The following GRID2 variants were observed in gnomAD, a reference collection of about 807,000 sequenced individuals.
GRID2 encodes the protein glutamate ionotropic receptor delta type subunit 2, also known as glutamate receptor ionotropic, delta-2.
A neutral mutation model predicts 114.8 loss-of-function variants in GRID2; 33 were observed. The observed-to-expected ratio is 0.29, with a 90% CI of 0.22 to 0.38. GRID2 has a LOEUF of 0.38. Among genes scored for constraint, GRID2 ranks in the 10% least tolerant of loss-of-function variants. The pLI, the probability that GRID2 is intolerant of heterozygous loss-of-function variation, is 1.00. For missense variants in GRID2, 1,184 were observed against 1,257.7 expected, an observed-to-expected ratio of 0.94 and a Z score of 0.89; for synonymous variants, 505 against 449.9, an observed-to-expected ratio of 1.12 and a Z score of -1.55.
intron 14 of GRID2, among the ~76,000 whole-genome samples, chr4:93,672,405 A>G (rs1302356434): frequency 6.6e-6 from 1 of 152,258 alleles, no homozygotes; most frequent in Non-Finnish European, 1.5e-5. Context: ...CCCCATGGGC[A>G]GAAAAGAGCT....
chr4:93,564,584 G>A (rs1375224156), intron 13 of GRID2, among the ~76,000 whole-genome samples: 1 of 151,934 alleles, frequency 6.6e-6, no homozygotes, highest in African/African-American at 2.4e-5. Flanking sequence ...ATAAGTGGAT[G>A]GTACCCCTAG....
intron 2 of GRID2, among the ~76,000 whole-genome samples, chr4:92,852,924 T>G (rs535756779): frequency 3.4e-4 from 51 of 152,146 alleles, no homozygotes; most frequent in African/African-American, 1.2e-3. Flanking sequence ...CTTCCTACCA[T>G]GAACCCAGGA....
At chr4:93,290,658 G>A (rs112363739) in intron 8 of GRID2, among the ~76,000 whole-genome samples, 5 of 151,884 alleles carry the variant, frequency 3.3e-5, no homozygotes, top group African/African-American at 1.2e-4. Flanking sequence ...TTTTTATCTG[G>A]TAGTATTTGT....
intron 2 of GRID2, among the ~76,000 whole-genome samples, chr4:92,657,561 T>G (rs916803660): frequency 6.6e-6 from 1 of 151,732 alleles, no homozygotes; most frequent in African/African-American, 2.4e-5. Context: ...ATTTTTATTT[T>G]TAAAAGTAAA....
intron 11 of GRID2, among the ~76,000 whole-genome samples, chr4:93,472,735 C>T (rs573118352): frequency 6.6e-6 from 1 of 152,158 alleles, no homozygotes; most frequent in East Asian, 1.9e-4. Flanking sequence ...CTTTATGTTA[C>T]AGAAGATAGA....
rs771209667 is a variant in GRID2 at position 92,769,088 on chromosome 4, C to T, written c.244+178802C>T. On this transcript the variant is annotated intron_variant, in intron 2 of 15. Transcript: ENST00000282020. ...GCCTATGAGCCTGTGAAATTCAAAG[C>T]AAGTTAGTTACTTTCTAGATACAAT... Among the ~76,000 whole-genome samples the T allele has an allele frequency of 3.3e-5, 5 of 152,258 alleles. No individual in the cohort carries two copies. In the South Asian group the frequency reaches 8.3e-4, roughly 25 times the overall value.
chr4:92,358,705 T>C (rs901883044), intron 1 of GRID2, among the ~76,000 whole-genome samples: 1 of 151,888 alleles, frequency 6.6e-6, no homozygotes, highest in African/African-American at 2.4e-5. Flanking sequence ...TTATTACCAA[T>C]GAATTTGTGT....
intron 2 of GRID2, among the ~76,000 whole-genome samples, chr4:92,713,133 C>T (rs1735338291): frequency 6.6e-6 from 1 of 151,402 alleles, no homozygotes; most frequent in Non-Finnish European, 1.5e-5. Context: ...TCTCCAAATG[C>T]TATCCCTCCC....
At chr4:92,693,997 T>A (rs1261067142) in intron 2 of GRID2, among the ~76,000 whole-genome samples, 1 of 152,078 alleles carries the variant, frequency 6.6e-6, no homozygotes, top group African/African-American at 2.4e-5. Context: ...AAGCAGCAGA[T>A]GTGGACTATC....
chr4:92,579,787 G>C (rs1728085916), intron 1 of GRID2, among the ~76,000 whole-genome samples: 1 of 151,188 alleles, frequency 6.6e-6, no homozygotes, highest in East Asian at 1.9e-4. Flanking sequence ...CATTTTGTAA[G>C]GTTTATTTTC....
chr4:92,337,960 G>T (rs1457600422), intron 1 of GRID2, among the ~76,000 whole-genome samples: 1 of 152,158 alleles, frequency 6.6e-6, no homozygotes, highest in Admixed American at 6.6e-5. Flanking sequence ...GTGTGCATAT[G>T]TGTGTGTCTG....
rs528002018 is a variant in GRID2, at chr4:92,406,014, T to G, written c.88+101270T>G. On this transcript the variant is annotated intron_variant, in intron 1 of 15. Coordinates refer to ENST00000282020, the MANE Select transcript of GRID2 (RefSeq NM_001510.4). ...GTCCAATGTTCAAGGGCAGGAAGTATCCAGCATGGAAGAGAGATGTAGGTT... is the reference window on the plus strand; with the variant it reads ...GTCCAATGTTCAAGGGCAGGAAGTAGCCAGCATGGAAGAGAGATGTAGGTT... Among the ~76,000 whole-genome samples the G allele has an allele frequency of 1.4e-4, 21 of 152,204 alleles. No homozygotes were observed. In the East Asian group the frequency reaches 4.1e-3, roughly 30 times the overall value.
chr4:93,511,674 A>T (rs1729194840), intron 12 of GRID2, among the ~76,000 whole-genome samples: 1 of 152,098 alleles, frequency 6.6e-6, no homozygotes, highest in South Asian at 2.1e-4. Flanking sequence ...TATGTGAGAT[A>T]TGTGGTTAGG....
intron 13 of GRID2, among the ~76,000 whole-genome samples, chr4:93,617,682 A>G (rs1741816065): frequency 6.6e-6 from 1 of 152,178 alleles, no homozygotes; most frequent in Non-Finnish European, 1.5e-5. Flanking sequence ...CGAAAGTTAA[A>G]TTAACATTAT....
chr4:92,794,874 T>TTA (rs34559735), intron 2 of GRID2, among the ~76,000 whole-genome samples: 27,214 of 105,458 alleles, frequency 0.26, 3,309 homozygotes, highest in East Asian at 0.39. Flanking sequence ...AATAATTGTT[T>TTA]TATATATATA....
At chr4:92,417,673 A>G (rs1358416432) in intron 1 of GRID2, among the ~76,000 whole-genome samples, 1 of 152,160 alleles carries the variant, frequency 6.6e-6, no homozygotes, top group African/African-American at 2.4e-5. Context: ...GAGGAGGTGG[A>G]TGTTAATCAA....
At chr4:93,090,449 C>G (rs532547164) in intron 3 of GRID2, among the ~76,000 whole-genome samples, 6 of 152,282 alleles carry the variant, frequency 3.9e-5, no homozygotes, top group Admixed American at 1.3e-4. Flanking sequence ...CCTATAAATA[C>G]CCTGGCCAGT....
At chr4:92,471,856 A>G (rs1023852995) in intron 1 of GRID2, among the ~76,000 whole-genome samples, 6 of 151,848 alleles carry the variant, frequency 4.0e-5, no homozygotes, top group Non-Finnish European at 7.4e-5. Flanking sequence ...ACAGAATCAT[A>G]CAATCTACAT....
At chr4:93,409,278 A>G (rs1766858880) in intron 9 of GRID2, among the ~76,000 whole-genome samples, 1 of 152,190 alleles carries the variant, frequency 6.6e-6, no homozygotes, top group Non-Finnish European at 1.5e-5. Flanking sequence ...AGATTGGTAT[A>G]GCAACTTAAA....
Sources: allele counts gnomAD v4.1 joint callset (sites outside exome capture counted in the v4.1 genomes callset), GRCh38; gene constraint gnomAD v4.1.1; transcripts MANE v1.5; gene names NCBI Gene and HGNC (gene_info 2026-07-23, HGNC 2026-07-21).